FOXP2: variants seen among roughly 807,000 people sequenced by gnomAD.
FOXP2 encodes forkhead box protein P2.
In FOXP2, 12 loss-of-function variants were observed where a neutral mutation model predicts 115.8. The observed-to-expected ratio is 0.10, with a 90% CI of 0.07 to 0.17. The LOEUF (loss-of-function observed/expected upper bound fraction) is 0.17, where lower values mean the gene tolerates loss of function less well. FOXP2 is among the 10% of genes least tolerant of loss of function. The pLI, the probability that FOXP2 is intolerant of heterozygous loss-of-function variation, is 1.00. For missense variants in FOXP2, 629 were observed against 843.5 expected (o/e 0.75, Z 3.15); for synonymous variants, 328 against 297.7 (o/e 1.10, Z -1.05).
chr7:114,176,174 CTCTTTTCTTGTCTTGTCTTGTCTTG>C (rs1213067183), intron 1 of FOXP2, among the ~76,000 whole-genome samples: 53 of 136,486 alleles, frequency 3.9e-4, no homozygotes, highest in African/African-American at 1.4e-3. Flanking sequence ...GGTTTGATTT[CTCTTTTCTTGTCTTGTCTTGTCTTG>C]TCTTGTCTTG....
At chr7:114,285,940 C>G (rs1418074462) in intron 1 of FOXP2, among the ~76,000 whole-genome samples, 1 of 151,922 alleles carries the variant, frequency 6.6e-6, no homozygotes, top group African/African-American at 2.4e-5. Context: ...ATTTTTTTAG[C>G]AAAATCAATT....
intron 1 of FOXP2, among the ~76,000 whole-genome samples, chr7:114,149,060 G>A (rs1792461756): frequency 6.6e-6 from 1 of 152,086 alleles, no homozygotes; most frequent in Non-Finnish European, 1.5e-5. Flanking sequence ...GGAATATGGT[G>A]CACATGCAAA....
intron 1 of FOXP2, among the ~76,000 whole-genome samples, chr7:114,149,594 C>A (rs1792475902): frequency 6.6e-6 from 1 of 151,700 alleles, no homozygotes; most frequent in Non-Finnish European, 1.5e-5. Context: ...TTAATTCCCC[C>A]ATTTAACATT....
chr7:114,187,767 A>G (rs1235948265), intron 1 of FOXP2, among the ~76,000 whole-genome samples: 2 of 152,146 alleles, frequency 1.3e-5, no homozygotes, highest in Non-Finnish European at 2.9e-5. Context: ...AATATCACAG[A>G]CTGAGTAATT....
At chr7:114,514,221 T>A (rs1798218056) in intron 2 of FOXP2, among the ~76,000 whole-genome samples, 1 of 152,058 alleles carries the variant, frequency 6.6e-6, no homozygotes. Context: ...CTAAATTGAA[T>A]TAATATGTAT....
chr7:114,524,349 G>T (rs1798761839), intron 2 of FOXP2, among the ~76,000 whole-genome samples: 1 of 152,070 alleles, frequency 6.6e-6, no homozygotes, highest in Non-Finnish European at 1.5e-5. Context: ...TATTTATGTT[G>T]TTCTAGTTGG....
At chr7:114,108,912 C>G (rs1584483582) in intron 1 of FOXP2, among the ~76,000 whole-genome samples, 1 of 151,920 alleles carries the variant, frequency 6.6e-6, no homozygotes, top group Non-Finnish European at 1.5e-5. Context: ...CAATATTTGT[C>G]TGCCCTGTTT....
chr7:114,251,938 A>G (rs1220122439), intron 1 of FOXP2, among the ~76,000 whole-genome samples: 1 of 152,164 alleles, frequency 6.6e-6, no homozygotes. Context: ...TGTCATAAAT[A>G]GCTTTCATTA....
chr7:114,616,274 TGCCTCA>T (rs1803948164), intron 3 of FOXP2, among the ~76,000 whole-genome samples: 1 of 151,136 alleles, frequency 6.6e-6, no homozygotes, highest in African/African-American at 2.4e-5. Flanking sequence ...GCGATTCTCC[TGCCTCA>T]GCCTCTGGTG....
At chr7:114,132,956 G>A (rs1791931440) in intron 1 of FOXP2, among the ~76,000 whole-genome samples, 1 of 152,154 alleles carries the variant, frequency 6.6e-6, no homozygotes, top group African/African-American at 2.4e-5. Flanking sequence ...CACTCTGGCT[G>A]TTGTATTGAA....
intron 2 of FOXP2, among the ~76,000 whole-genome samples, chr7:114,442,682 G>A (rs548854896): frequency 2.0e-5 from 3 of 152,042 alleles, no homozygotes; most frequent in Admixed American, 6.6e-5. Context: ...TCAAACTCCT[G>A]GGCTCAAGTG....
intron 1 of FOXP2, among the ~76,000 whole-genome samples, chr7:114,255,244 C>T (rs1039467471): frequency 3.9e-5 from 6 of 152,192 alleles, no homozygotes; most frequent in Non-Finnish European, 8.8e-5. Flanking sequence ...GGTCAGGGAC[C>T]CACTTGAGGA....
chr7:114,228,278 T>G (rs1311556204), intron 1 of FOXP2, among the ~76,000 whole-genome samples: 1 of 152,000 alleles, frequency 6.6e-6, no homozygotes, highest in Non-Finnish European at 1.5e-5. Flanking sequence ...TTTTACTTTG[T>G]TTCAACTCTA....
At chr7:114,394,813 C>T (rs993677955) in intron 2 of FOXP2, among the ~76,000 whole-genome samples, 1 of 152,106 alleles carries the variant, frequency 6.6e-6, no homozygotes, top group Admixed American at 6.6e-5. Flanking sequence ...AGGAACTGTT[C>T]GAGACTGGAG....
At chr7:114,654,907 G>A (rs1033592455) in intron 10 of FOXP2, among the ~76,000 whole-genome samples, 4 of 151,954 alleles carry the variant, frequency 2.6e-5, no homozygotes, top group Admixed American at 6.6e-5. Flanking sequence ...TAATTTTCTC[G>A]TAATGTCTCG....
intron 16 of FOXP2, among the ~76,000 whole-genome samples, chr7:114,677,607 A>G (rs895926496): frequency 6.6e-6 from 1 of 152,226 alleles, no homozygotes; most frequent in African/African-American, 2.4e-5. Context: ...TTTGGGGTAT[A>G]GGCAAGCATT....
At chr7:114,629,119 C>A (rs1804752405) in intron 4 of FOXP2, 1 of 186,444 alleles carries the variant, frequency 5.4e-6, no homozygotes, top group African/African-American at 2.4e-5. Flanking sequence ...TTTTCCTTTT[C>A]ATAGTATACT....
chr7:114,534,141 C>A (rs543209578), intron 2 of FOXP2, among the ~76,000 whole-genome samples: 1 of 151,852 alleles, frequency 6.6e-6, no homozygotes, highest in Non-Finnish European at 1.5e-5. Context: ...TGTTTTTAAT[C>A]TTTAGTGAAA....
chr7:114,348,037 C>A (rs1479885008), intron 2 of FOXP2, among the ~76,000 whole-genome samples: 1 of 152,000 alleles, frequency 6.6e-6, no homozygotes, highest in Non-Finnish European at 1.5e-5. Flanking sequence ...TATGCCTTTA[C>A]TATTTTTTAA....
Sources: allele counts gnomAD v4.1 joint callset (sites outside exome capture counted in the v4.1 genomes callset), GRCh38; gene constraint gnomAD v4.1.1; transcripts MANE v1.5; gene names NCBI Gene and HGNC (gene_info 2026-07-23, HGNC 2026-07-21).